DLGAP2: variants seen among roughly 807,000 people sequenced by gnomAD.
The protein encoded by DLGAP2 is DLG associated protein 2, also known as disks large-associated protein 2.
DLGAP2 carries 26 observed loss-of-function variants against 100.3 expected under a neutral mutation model. The ratio of observed to expected loss-of-function variants is 0.26; its 90% CI spans 0.19 to 0.36. DLGAP2 has a LOEUF of 0.36. Among genes scored for constraint, DLGAP2 ranks in the 10% least tolerant of loss-of-function variants. The pLI, the probability that DLGAP2 is intolerant of heterozygous loss-of-function variation, is 1.00. For missense variants in DLGAP2, 1,858 were observed against 1,453.2 expected (o/e 1.28, Z -4.53); for synonymous variants, 886 against 630.1 (o/e 1.41, Z -6.08).
intron 1 of DLGAP2, among the ~76,000 whole-genome samples, chr8:855,535 A>G (rs1204850590): frequency 6.6e-5 from 10 of 152,202 alleles, no homozygotes; most frequent in Admixed American, 6.5e-4. Context: ...ACCACGTGTC[A>G]CACAGACACA....
chr8:1,261,868 A>G (rs541328877), intron 3 of DLGAP2, among the ~76,000 whole-genome samples: 13 of 152,236 alleles, frequency 8.5e-5, no homozygotes, highest in Non-Finnish European at 1.5e-4. Context: ...AGCTTCTGCG[A>G]GTTAACTCAT....
At chr8:1,223,836 C>G (rs1798363722) in intron 2 of DLGAP2, among the ~76,000 whole-genome samples, 2 of 152,162 alleles carry the variant, frequency 1.3e-5, no homozygotes, top group African/African-American at 2.4e-5. Context: ...CACCCATATG[C>G]TCTATATGTG....
At chr8:826,049 T>C (rs539857502) in intron 1 of DLGAP2, among the ~76,000 whole-genome samples, 2 of 152,356 alleles carry the variant, frequency 1.3e-5, no homozygotes, top group Middle Eastern at 3.4e-3. Context: ...TAATTTTTGC[T>C]CCCACAAATA....
chr8:1,498,206 A>G (rs1799605930), intron 3 of DLGAP2, among the ~76,000 whole-genome samples: 1 of 152,192 alleles, frequency 6.6e-6, no homozygotes. Flanking sequence ...GTGGAGATGC[A>G]GTTCCCACCG....
rs1042876854 is a variant in DLGAP2, at chr8:1,626,760, C to T, written c.1463C>T (p.Ala488Val). ...EHQTQTYLQAASDVPVGHSLD... is the reference protein window; with the variant it reads ...EHQTQTYLQAVSDVPVGHSLD... ...TGTAGCCAGACCTACCTGCAAGCTG[C>T]AAGCGATGTGCCTGTGGGACACAGC... The change falls in exon 7 of 15, where the codon GCA becomes GTA. Residue 488 changes from alanine (A) to valine (V), a missense_variant. Ala to Val is a moderately conservative substitution (Grantham distance 64, BLOSUM62 0). Coordinates refer to ENST00000637795, the MANE Select transcript of DLGAP2 (RefSeq NM_001346810.2). The T allele has an allele frequency of 1.9e-6, 3 of 1,603,906 alleles. No homozygotes were observed. The highest frequency in any genetic ancestry group is 1.1e-5 in the South Asian group (1 of 88,480).
chr8:946,464 C>T (rs528923420), intron 2 of DLGAP2, among the ~76,000 whole-genome samples: 14 of 152,036 alleles, frequency 9.2e-5, no homozygotes, highest in East Asian at 3.9e-4. Context: ...GGGGTTTCAC[C>T]ATATTAGCCA....
At chr8:1,236,293 G>A (rs1397815883) in intron 2 of DLGAP2, among the ~76,000 whole-genome samples, 13 of 45,368 alleles carry the variant, frequency 2.9e-4, no homozygotes, top group African/African-American at 1.0e-3. Context: ...ACATGGCGCC[G>A]TGTCTAGTTC....
At chr8:836,725 C>T (rs995031580) in intron 1 of DLGAP2, among the ~76,000 whole-genome samples, 2 of 152,180 alleles carry the variant, frequency 1.3e-5, no homozygotes, top group Non-Finnish European at 2.9e-5. Flanking sequence ...GGGCCAGGGC[C>T]GCGTTGCTAA....
intron 1 of DLGAP2, among the ~76,000 whole-genome samples, chr8:800,208 G>A (rs1324978752): frequency 6.6e-6 from 1 of 152,178 alleles, no homozygotes; most frequent in Non-Finnish European, 1.5e-5. Flanking sequence ...CCAGGCCTGC[G>A]TGAGGACTTT....
chr8:1,442,512 AC>A (rs1391219772), intron 3 of DLGAP2, among the ~76,000 whole-genome samples: 5 of 138,728 alleles, frequency 3.6e-5, no homozygotes, highest in Non-Finnish European at 7.6e-5. Context: ...CCGGGCATAG[AC>A]CCGCCAGGCT....
Position 1,134,292 on chromosome 8 carries a change from A to G in DLGAP2, c.74-124559A>G, listed in dbSNP as rs111893685. On this transcript the variant is annotated intron_variant, in intron 2 of 14. Coordinates refer to ENST00000637795, the MANE Select transcript of DLGAP2 (RefSeq NM_001346810.2). Reference sequence around the variant, plus strand: ...TTTTGCTCTTGTGAATAGTGCTGCAATGAACGTGCATGTGTCTTAGTGGTA... The same window carrying G: ...TTTTGCTCTTGTGAATAGTGCTGCAGTGAACGTGCATGTGTCTTAGTGGTA... Among the ~76,000 whole-genome samples, 64 of 152,340 alleles carry G rather than the reference A, an allele frequency of 4.2e-4. No individual in the cohort carries two copies. In the East Asian group the frequency reaches 6.6e-3, roughly 16 times the overall value.
chr8:1,202,941 C>G (rs187154135), intron 2 of DLGAP2, among the ~76,000 whole-genome samples: 11 of 152,218 alleles, frequency 7.2e-5, no homozygotes, highest in African/African-American at 2.4e-4. Context: ...TGAGCACATG[C>G]GCTCCCGAGA....
Position 1,341,448 on chromosome 8 carries a change from C to G in DLGAP2, c.106+82565C>G, listed in dbSNP as rs1007922300. ...TTGAACGTTAGCTTCATAAATCACT[C>G]CTCTCTGAAACACATATAGGCGTAT... On this transcript the variant is annotated intron_variant, in intron 3 of 14. Coordinates refer to ENST00000637795, the MANE Select transcript of DLGAP2 (RefSeq NM_001346810.2). Among the ~76,000 whole-genome samples the G allele has an allele frequency of 2.0e-5, 3 of 152,172 alleles. 1 individual carries two copies. The highest frequency in any genetic ancestry group is 1.3e-4 in the Admixed American group (2 of 15,274).
At chr8:1,454,593 C>A (rs1798253006) in intron 3 of DLGAP2, among the ~76,000 whole-genome samples, 1 of 152,160 alleles carries the variant, frequency 6.6e-6, no homozygotes, top group Non-Finnish European at 1.5e-5. Context: ...AGCCAAGATT[C>A]ATCTCCATTA....
At chr8:1,274,960 C>T (rs1363370611) in intron 3 of DLGAP2, among the ~76,000 whole-genome samples, 1 of 152,180 alleles carries the variant, frequency 6.6e-6, no homozygotes, top group African/African-American at 2.4e-5. Context: ...TGAGTGTTCA[C>T]TGCCTGCTGC....
intron 2 of DLGAP2, among the ~76,000 whole-genome samples, chr8:1,099,709 C>G (rs1453048643): frequency 6.6e-6 from 1 of 152,206 alleles, no homozygotes. Context: ...GGTTTACTTA[C>G]TAAAAGTAGC....
chr8:958,169 C>T (rs1195341420), intron 2 of DLGAP2, among the ~76,000 whole-genome samples: 1 of 152,160 alleles, frequency 6.6e-6, no homozygotes, highest in East Asian at 1.9e-4. Flanking sequence ...TTTCAGTTAG[C>T]ATGATGTTTT....
chr8:1,319,126 C>T (rs991764452), intron 3 of DLGAP2, among the ~76,000 whole-genome samples: 1 of 152,110 alleles, frequency 6.6e-6, no homozygotes, highest in Non-Finnish European at 1.5e-5. Flanking sequence ...GAGGGCCAAG[C>T]TCAGCTGGGA....
chr8:1,365,885 A>G (rs1802097416), intron 3 of DLGAP2, among the ~76,000 whole-genome samples: 1 of 152,214 alleles, frequency 6.6e-6, no homozygotes, highest in African/African-American at 2.4e-5. Flanking sequence ...CCCCAGAATA[A>G]ACATCTGCCC....
Sources: allele counts gnomAD v4.1 joint callset (sites outside exome capture counted in the v4.1 genomes callset), GRCh38; gene constraint gnomAD v4.1.1; transcripts MANE v1.5; gene names NCBI Gene and HGNC (gene_info 2026-07-23, HGNC 2026-07-21).